GSN: variants seen among roughly 807,000 people sequenced by gnomAD.
GSN encodes the protein gelsolin.
GSN carries 56 observed loss-of-function variants against 85.7 expected under a neutral mutation model. The ratio of observed to expected loss-of-function variants is 0.65; its 90% CI spans 0.53 to 0.82. GSN has a LOEUF of 0.82. GSN is among the 40% of genes least tolerant of loss of function. The pLI is 0.00. For synonymous variants in GSN, 373 were observed against 399.1 expected (o/e 0.93, Z 0.78); for missense variants, 857 against 979.8 (o/e 0.87, Z 1.67).
At chr9:121,272,676 G>C (rs766490494) in intron 1 of GSN, among the ~76,000 whole-genome samples, 18 of 152,140 alleles carry the variant, frequency 1.2e-4, no homozygotes, top group Non-Finnish European at 2.2e-4. Flanking sequence ...ACAATAATAA[G>C]GGCCACCATA....
At chr9:121,281,867 C>T in intron 2 of GSN, 1 of 471,264 alleles carries the variant, frequency 2.1e-6, no homozygotes, top group South Asian at 1.5e-5. Context: ...GTTGCTTTCC[C>T]TCTCAAGGCC....
chr9:121,314,593 C>T (rs1487975666), intron 7 of GSN, among the ~76,000 whole-genome samples: 1 of 151,928 alleles, frequency 6.6e-6, no homozygotes, highest in Non-Finnish European at 1.5e-5. Flanking sequence ...CGATTTTCAC[C>T]ACTGCCAAAG....
chr9:121,331,298 G>T, intron 16 of GSN, 90 bp from the exon 17 acceptor site: 1 of 785,060 alleles, frequency 1.3e-6, no homozygotes, highest in South Asian at 1.5e-5. Context: ...GCTTTGTCTG[G>T]TCTGATACCT....
rs2063193129 is a variant in GSN at position 121,326,553 on chromosome 9, C to G, written c.1458C>G (p.Ser486Arg). ...GCAAGGAGCCCGCCCACCTCATGAG[C>G]CTGTTTGGTGGGAAGCCCATGATCA... ...VQGKEPAHLMSLFGGKPMIIY... is the reference protein window; with the variant it reads ...VQGKEPAHLMRLFGGKPMIIY... Residue 486 changes from serine (S) to arginine (R), a missense_variant, in exon 13 of 18, where the codon AGC becomes AGG. Transcript: ENST00000432226. The G allele has an allele frequency of 6.2e-7, 1 of 1,613,950 alleles. No individual in the cohort carries two copies. The highest frequency in any genetic ancestry group is 1.7e-4 in the Middle Eastern group (1 of 6,044).
At chr9:121,222,757 T>C (rs2054193195) in intron 4 of GSN, among the ~76,000 whole-genome samples, 1 of 152,186 alleles carries the variant, frequency 6.6e-6, no homozygotes, top group Non-Finnish European at 1.5e-5. Flanking sequence ...AGTAAGAGAC[T>C]GAGGCAAATT....
At chr9:121,219,974 C>G (rs2054138651) in intron 4 of GSN, among the ~76,000 whole-genome samples, 1 of 152,146 alleles carries the variant, frequency 6.6e-6, no homozygotes, top group African/African-American at 2.4e-5. Context: ...CTCCGCCTCC[C>G]AGGTTCAAGT....
chr9:121,209,756 C>T (rs2053940681), intron 2 of GSN, among the ~76,000 whole-genome samples: 1 of 152,162 alleles, frequency 6.6e-6, no homozygotes, highest in South Asian at 2.1e-4. Flanking sequence ...AGAATTATTT[C>T]CAAGAGCCAA....
In GSN at chr9:121,329,289, G is replaced by A. The variant is rs752572521; in HGVS notation, c.1939G>A (p.Val647Ile). The A allele has an allele frequency of 7.1e-5, 114 of 1,610,154 alleles. No individual in the cohort carries two copies. The highest frequency in any genetic ancestry group is 4.1e-4 in the African/African-American group (31 of 74,934). The change falls in exon 16 of 18, where the codon GTC becomes ATC. Residue 647 changes from valine to isoleucine, a missense_variant. Physicochemically the swap from Val to Ile is conservative, Grantham distance 29. Transcript: ENST00000432226. This position sits in a 1 kb window ranked among gnomAD's most constrained non-coding sequence, Gnocchi z 4.6. Reference sequence around the variant, plus strand: ...GCAGGAAGACCTGGCAACGGATGACGTCATGCTTCTGGACACCTGGGACCA... The same window carrying A: ...GCAGGAAGACCTGGCAACGGATGACATCATGCTTCTGGACACCTGGGACCA... Reference protein sequence around the residue: ...LMQEDLATDDVMLLDTWDQVF... With the variant: ...LMQEDLATDDIMLLDTWDQVF...
intron 16 of GSN, among the ~76,000 whole-genome samples, chr9:121,331,063 G>T (rs1172353154): frequency 6.6e-6 from 1 of 152,112 alleles, no homozygotes. Flanking sequence ...CAGCTCCTGC[G>T]CAGCTTGACT....
intron 3 of GSN, among the ~76,000 whole-genome samples, chr9:121,302,709 G>A (rs941083512): frequency 6.6e-6 from 1 of 152,188 alleles, no homozygotes; most frequent in African/African-American, 2.4e-5. Context: ...GAATGTGACA[G>A]AGCTGGGAGG....
chr9:121,203,813 T>G (rs558079667), upstream of GSN, among the ~76,000 whole-genome samples: 4 of 152,380 alleles, frequency 2.6e-5, no homozygotes, highest in Admixed American at 2.6e-4. Context: ...TGGGATAGTA[T>G]ATGCAAAATA....
chr9:121,282,197 G>C, intron 2 of GSN: 2 of 536,258 alleles, frequency 3.7e-6, no homozygotes, highest in South Asian at 4.0e-5. Flanking sequence ...CTTCAGCCTC[G>C]GTTTCTCCAC....
intron 7 of GSN, 50 bp downstream of exon 7, chr9:121,314,073 G>A (rs1187330437): frequency 3.5e-6 from 5 of 1,420,394 alleles, no homozygotes; most frequent in Non-Finnish European, 4.0e-6. Context: ...GGACAGGGAG[G>A]TGGAAGACTT....
intron 5 of GSN, among the ~76,000 whole-genome samples, chr9:121,232,053 C>G (rs1005599278): frequency 1.3e-5 from 2 of 152,066 alleles, no homozygotes; most frequent in Non-Finnish European, 2.9e-5. Context: ...GGTGACAGAG[C>G]GAGACTCTGT....
At chr9:121,231,965 T>C (rs2054397926) in intron 5 of GSN, among the ~76,000 whole-genome samples, 1 of 151,986 alleles carries the variant, frequency 6.6e-6, no homozygotes, top group African/African-American at 2.4e-5. Flanking sequence ...TACTTGGGAA[T>C]CTGAGGCAGG....
intron 7 of GSN, 73 bp downstream of exon 7, chr9:121,314,096 T>C: frequency 1.7e-6 from 2 of 1,158,032 alleles, no homozygotes; most frequent in Non-Finnish European, 2.6e-6. Context: ...TCTTCCCCAC[T>C]CCACTGCTAT....
chr9:121,204,987 A>G (rs1421256527), upstream of GSN, among the ~76,000 whole-genome samples: 3 of 152,196 alleles, frequency 2.0e-5, no homozygotes, highest in East Asian at 1.9e-4. Context: ...ATCTCTTCCT[A>G]TTGTCCTGGA....
intron 1 of GSN, among the ~76,000 whole-genome samples, chr9:121,275,280 G>T (rs2056529585): frequency 6.6e-6 from 1 of 152,180 alleles, no homozygotes; most frequent in Non-Finnish European, 1.5e-5. Context: ...AGACCTTGAG[G>T]ACATCACCTC....
At chr9:121,240,928 C>T (rs1405676683) in intron 5 of GSN, among the ~76,000 whole-genome samples, 1 of 152,174 alleles carries the variant, frequency 6.6e-6, no homozygotes, top group Non-Finnish European at 1.5e-5. Context: ...AAAGAGCACT[C>T]TTGGTGAAAT....
Sources: allele counts gnomAD v4.1 joint callset (sites outside exome capture counted in the v4.1 genomes callset), GRCh38; gene constraint gnomAD v4.1.1; non-coding constraint Gnocchi (gnomAD v3.1); transcripts MANE v1.5; gene names NCBI Gene and HGNC (gene_info 2026-07-23, HGNC 2026-07-21).